The following CRYBG1 variants were observed in gnomAD, a reference collection of about 807,000 sequenced individuals.
CRYBG1 encodes the protein crystallin beta-gamma domain containing 1.
In CRYBG1, 139 loss-of-function variants were observed where a neutral mutation model predicts 189.2. That is an observed-to-expected ratio of 0.73 (90% confidence interval 0.64 to 0.85). CRYBG1 has a LOEUF of 0.85. Among genes scored for constraint, CRYBG1 ranks in the 40% least tolerant of loss-of-function variants. The pLI, the probability that CRYBG1 is intolerant of heterozygous loss-of-function variation, is 0.00. For synonymous variants in CRYBG1, 1,023 were observed against 1,017.1 expected, an observed-to-expected ratio of 1.01 and a Z score of -0.11; for missense variants, 2,611 against 2,675.8, an observed-to-expected ratio of 0.98 and a Z score of 0.53.
At position 106,527,324 on chromosome 6, in the gene CRYBG1, C is replaced by T. The variant is rs368781077; in HGVS notation, c.4432C>T (p.Pro1478Ser). 1.2e-6 allele frequency: 2 copies of T among 1,610,758 alleles called. No homozygotes were observed. Among genetic ancestry groups the T allele is most frequent in the African/African-American group, 1.3e-5 (1 of 74,826 alleles). ...VRGCWILYEQ[P>S]NFEGHSIPLE... The stretch of plus-strand genomic sequence containing the variant: ...TGTTAGTTGGATTTTGTATGAGCAA[C>T]CAAATTTTGAAGGGCACTCCATCCC... Residue 1478 changes from proline (P) to serine (S), a missense_variant, in exon 7 of 22, where the codon CCA becomes TCA. Around this residue, in one of 3 missense-constraint regions of CRYBG1, gnomAD observed 1,622 missense variants for 1,735.0 expected, o/e 0.93. Transcript: ENST00000633556.
In CRYBG1 at chr6:106,544,685, A is replaced by T; in HGVS notation, c.5154A>T (p.Arg1718=). 1.2e-6 allele frequency: 2 copies of T among 1,613,964 alleles called. No individual in the cohort carries two copies. The highest frequency in any genetic ancestry group is 4.5e-5 in the East Asian group (2 of 44,852). Residue 1718 remains arginine (R), a synonymous_variant, in exon 12 of 22, where the codon CGA becomes CGT. Coordinates refer to ENST00000633556, the MANE Select transcript of CRYBG1 (RefSeq NM_001371242.2). ...GGYNGELQSL[R]PILGDFSNAH... ...ACAATGGAGAGCTTCAGTCTTTACG[A>T]CCTATATTAGGTGTAAGTAAAGGAC...
chr6:106,423,888 A>T (rs1353863940), intron 1 of CRYBG1, among the ~76,000 whole-genome samples: 1 of 151,652 alleles, frequency 6.6e-6, no homozygotes, highest in Admixed American at 6.6e-5. Context: ...TATTTTTTGT[A>T]GAGACGGGGC....
At chr6:106,416,436 T>C (rs1260621165) in intron 1 of CRYBG1, among the ~76,000 whole-genome samples, 1 of 152,238 alleles carries the variant, frequency 6.6e-6, no homozygotes, top group Non-Finnish European at 1.5e-5. Context: ...TCGATGGTAC[T>C]CTTCAGTCTT....
chr6:106,556,186 C>A (rs1774541823), intron 17 of CRYBG1, among the ~76,000 whole-genome samples: 3 of 152,210 alleles, frequency 2.0e-5, no homozygotes, highest in African/African-American at 7.2e-5. Context: ...CATGTAAGAA[C>A]AGGCAGTTTC....
At chr6:106,370,286 T>G (rs946680071) in intron 1 of CRYBG1, among the ~76,000 whole-genome samples, 1 of 152,158 alleles carries the variant, frequency 6.6e-6, no homozygotes, top group Non-Finnish European at 1.5e-5. Flanking sequence ...TACCAAGAGG[T>G]GGACCTACTT....
chr6:106,470,196 CTCCTGTAA>C (rs1274908745), intron 2 of CRYBG1, among the ~76,000 whole-genome samples: 1 of 152,160 alleles, frequency 6.6e-6, no homozygotes, highest in African/African-American at 2.4e-5. Flanking sequence ...TGGTAGCTCA[CTCCTGTAA>C]TCCCAACACT....
Position 106,511,751 on chromosome 6 carries a change from T to C in CRYBG1, c.634T>C (p.Ser212Pro). 1.3e-6 allele frequency: 2 copies of C among 1,534,416 alleles called. No homozygotes were observed. The highest frequency in any genetic ancestry group is 1.7e-6 in the Non-Finnish European group (2 of 1,146,386). Residue 212 changes from serine (S) to proline (P), a missense_variant, in exon 3 of 22, where the codon TCA becomes CCA. Ser to Pro is a moderately conservative substitution (Grantham distance 74, BLOSUM62 -1). Coordinates refer to ENST00000633556, the MANE Select transcript of CRYBG1 (RefSeq NM_001371242.2). Reference sequence around the variant, plus strand: ...CGCAGCCCCCCCTGACGCCGAGCTGTCACCTCGCTGGAGCAGCAGTGCAGC... The same window carrying C: ...CGCAGCCCCCCCTGACGCCGAGCTGCCACCTCGCTGGAGCAGCAGTGCAGC... ...GPAAPPDAEL[S>P]PRWSSSAAAV...
chr6:106,548,665 T>G (rs878931733), intron 13 of CRYBG1, among the ~76,000 whole-genome samples: 1 of 152,206 alleles, frequency 6.6e-6, no homozygotes, highest in Non-Finnish European at 1.5e-5. Flanking sequence ...ACCCTTTTTT[T>G]GATGTGGCTC....
Position 106,377,621 on chromosome 6 carries a change from T to TATATATATATATATATATA in CRYBG1, c.173+16540_173+16541insATATATATATATATATATA, listed in dbSNP as rs1419204336. 4.0e-3 allele frequency among the ~76,000 whole-genome samples: 278 copies of TATATATATATATATATATA among 69,386 alleles called. 7 individuals are homozygous for TATATATATATATATATATA. Among genetic ancestry groups the TATATATATATATATATATA allele is most frequent in the Middle Eastern group, 9.3e-3 (1 of 108 alleles). 45.5% of individuals were successfully genotyped at this position (69,386 alleles called of 152,430 possible). On this transcript the variant is annotated intron_variant, in intron 1 of 21. Coordinates refer to ENST00000633556, the MANE Select transcript of CRYBG1 (RefSeq NM_001371242.2). Reference sequence around the variant, plus strand: ...TGTGTAACTCATAAGTCCTAAGGTTTTATATATATATATATATATATATAT... The same window carrying TATATATATATATATATATA: ...TGTGTAACTCATAAGTCCTAAGGTTTATATATATATATATATATATATATATATATATATATATATATAT...
At chr6:106,448,341 C>T (rs375908200) in intron 1 of CRYBG1, among the ~76,000 whole-genome samples, 2 of 152,174 alleles carry the variant, frequency 1.3e-5, no homozygotes, top group East Asian at 3.9e-4. Flanking sequence ...CTCAGCAGTT[C>T]CTGTTTTAGA....
intron 1 of CRYBG1, among the ~76,000 whole-genome samples, chr6:106,384,200 C>G (rs960516098): frequency 6.6e-6 from 1 of 152,144 alleles, no homozygotes; most frequent in African/African-American, 2.4e-5. Context: ...ACAGAGACTC[C>G]TCTTTGACCT....
intron 1 of CRYBG1, among the ~76,000 whole-genome samples, chr6:106,380,782 T>G (rs1254764646): frequency 6.6e-6 from 1 of 152,128 alleles, no homozygotes; most frequent in Non-Finnish European, 1.5e-5. Flanking sequence ...GTTTATAATT[T>G]TTACAGGAAA....
intron 1 of CRYBG1, among the ~76,000 whole-genome samples, chr6:106,423,711 T>G (rs1771174558): frequency 7.2e-6 from 1 of 139,426 alleles, no homozygotes; most frequent in Non-Finnish European, 1.5e-5. Flanking sequence ...TTTTTTTTTT[T>G]TTTTTTTTTT....
chr6:106,418,430 G>A (rs545101219), intron 1 of CRYBG1, among the ~76,000 whole-genome samples: 84 of 152,226 alleles, frequency 5.5e-4, no homozygotes, highest in Middle Eastern at 3.4e-3. Context: ...GGGTTTTACC[G>A]GGGACCCACC....
At chr6:106,393,113 CT>C (rs1770539216) in intron 1 of CRYBG1, among the ~76,000 whole-genome samples, 1 of 152,156 alleles carries the variant, frequency 6.6e-6, no homozygotes, top group African/African-American at 2.4e-5. Context: ...AATCTCTGTA[CT>C]AGAATTTTGT....
intron 2 of CRYBG1, among the ~76,000 whole-genome samples, chr6:106,510,454 G>T (rs556914130): frequency 2.4e-4 from 36 of 152,328 alleles, no homozygotes; most frequent in Non-Finnish European, 5.1e-4. Context: ...TAGCCGTTTT[G>T]CTCCAGGAGA....
intron 1 of CRYBG1, among the ~76,000 whole-genome samples, chr6:106,414,946 T>C (rs11152984): frequency 0.12 from 17,760 of 152,224 alleles, 1,099 homozygotes; most frequent in South Asian, 0.14. Flanking sequence ...CCTCATTAAC[T>C]TCAGAACAAA....
chr6:106,495,149 A>G (rs1362635813), intron 2 of CRYBG1, among the ~76,000 whole-genome samples: 2 of 152,188 alleles, frequency 1.3e-5, no homozygotes, highest in Admixed American at 6.5e-5. Context: ...TGAATCAAAC[A>G]CACCCTTATT....
chr6:106,462,203 C>T (rs1282142812), intron 2 of CRYBG1, among the ~76,000 whole-genome samples: 2 of 152,108 alleles, frequency 1.3e-5, no homozygotes, highest in Non-Finnish European at 2.9e-5. Context: ...CGGAGTCTCG[C>T]TCTGTCGCCC....
Sources: gnomAD v4.1 joint callset for allele counts (sites outside exome capture counted in the v4.1 genomes callset) on GRCh38, gnomAD v4.1.1 for gene constraint, gnomAD v4.1.1 regional missense constraint, MANE v1.5 for transcripts, NCBI Gene and HGNC (gene_info 2026-07-23, HGNC 2026-07-21) for gene names.